The following ACSM3 variants were observed in gnomAD, a reference collection of about 807,000 sequenced individuals.
ACSM3 encodes acyl-coenzyme A synthetase ACSM3, mitochondrial.
In ACSM3, 61 loss-of-function variants were observed where a neutral mutation model predicts 74.1. The ratio of observed to expected loss-of-function variants is 0.82; its 90% CI spans 0.67 to 1.02. The LOEUF (loss-of-function observed/expected upper bound fraction) is 1.02. ACSM3 is among the 50% of genes least tolerant of loss of function. The probability of loss-of-function intolerance (pLI) is 0.00; values close to 1 mark genes in which losing one functional copy is unlikely to be tolerated. For synonymous variants in ACSM3, 213 were observed against 241.5 expected, an observed-to-expected ratio of 0.88 and a Z score of 1.09; for missense variants, 660 against 697.0, an observed-to-expected ratio of 0.95 and a Z score of 0.60.
chr16:20,784,615 C>T (rs2080428826), intron 7 of ACSM3: 1 of 160,724 alleles, frequency 6.2e-6, no homozygotes, highest in Non-Finnish European at 1.3e-5. Context: ...TCCATGAAAA[C>T]ATAAAAATAA....
chr16:20,719,506 A>G, intron 1 of ACSM3: 1 of 166,212 alleles, frequency 6.0e-6, no homozygotes, highest in South Asian at 1.6e-4. Context: ...TTTCTTTATA[A>G]GAAGCAAAGT....
chr16:20,688,950 AAT>A (rs1391802945), intron 1 of ACSM3, among the ~76,000 whole-genome samples: 9 of 149,002 alleles, frequency 6.0e-5, no homozygotes, highest in South Asian at 2.1e-4. Context: ...AATAATTATA[AAT>A]ATATGTTAAC....
rs976657437 is a variant in ACSM3 at position 20,739,317 on chromosome 16, A to C, written c.-189-10593A>C. The stretch of plus-strand genomic sequence containing the variant: ...CAGCCTCCCAAGTAGCTGTGATTAC[A>C]GGCGCATGCCACTACACACAGCTAA... On this transcript the variant is annotated intron_variant, in intron 1 of 3. Transcript: ENST00000561584. 4.6e-5 allele frequency among the ~76,000 whole-genome samples: 7 copies of C among 151,962 alleles called. No individual in the cohort carries two copies. The East Asian group carries it at 1.4e-3, about 30-fold the overall frequency.
chr16:20,709,373 A>G (rs2079736407), intron 1 of ACSM3, among the ~76,000 whole-genome samples: 2 of 152,392 alleles, frequency 1.3e-5, no homozygotes, highest in Middle Eastern at 3.4e-3. Context: ...ATGTAAAACA[A>G]GCAGGTTAGA....
chr16:20,747,525 G>C (rs529288091), intron 1 of ACSM3, among the ~76,000 whole-genome samples: 9 of 152,176 alleles, frequency 5.9e-5, no homozygotes, highest in Admixed American at 2.6e-4. Flanking sequence ...GTGTTAATCC[G>C]CTGGGCTGGT....
At chr16:20,727,216 T>A in intron 1 of ACSM3, 1 of 370,456 alleles carries the variant, frequency 2.7e-6, no homozygotes, top group Non-Finnish European at 5.2e-6. Flanking sequence ...CAAGTTTTTG[T>A]TGAATGAACT....
chr16:20,776,867 C>A (rs979288339), intron 3 of ACSM3, among the ~76,000 whole-genome samples: 2 of 152,190 alleles, frequency 1.3e-5, no homozygotes, highest in African/African-American at 4.8e-5. Context: ...GGAAATAAAT[C>A]ATAAAGCAAT....
chr16:20,697,795 C>G (rs1325962082), intron 1 of ACSM3: 2 of 152,322 alleles, frequency 1.3e-5, no homozygotes, highest in Non-Finnish European at 2.9e-5. Context: ...GGACCTTGAA[C>G]AGAGAACTTG....
At chr16:20,682,773 A>G (rs2079473637) in intron 1 of ACSM3, among the ~76,000 whole-genome samples, 1 of 152,224 alleles carries the variant, frequency 6.6e-6, no homozygotes, top group African/African-American at 2.4e-5. Context: ...ACACATTTAC[A>G]CAGGATCTGG....
At chr16:20,744,789 A>T (rs1285993570) in intron 1 of ACSM3, among the ~76,000 whole-genome samples, 2 of 152,188 alleles carry the variant, frequency 1.3e-5, no homozygotes, top group African/African-American at 4.8e-5. Context: ...TCCATAAATC[A>T]TCTCTGACCA....
chr16:20,738,837 T>C (rs779620821), intron 1 of ACSM3: 74 of 1,577,038 alleles, frequency 4.7e-5, no homozygotes, highest in Non-Finnish European at 6.1e-5. Context: ...CAGTATTCCC[T>C]GAGACAGGAA....
chr16:20,796,262 A>T (rs1251297895), intron 12 of ACSM3, 108 bp from the exon 13 acceptor site: 3 of 1,491,794 alleles, frequency 2.0e-6, no homozygotes, highest in Non-Finnish European at 2.7e-6. Flanking sequence ...ATTAAAACAC[A>T]CTGGCCCACC....
chr16:20,782,159 T>C (rs1254864425), intron 7 of ACSM3, among the ~76,000 whole-genome samples: 2 of 152,220 alleles, frequency 1.3e-5, no homozygotes, highest in African/African-American at 4.8e-5. Context: ...TTTATTCTAT[T>C]GCTGATTCCA....
rs1037267717 is a variant in ACSM3 at position 20,780,733 on chromosome 16, A to C, written c.658A>C (p.Thr220Pro). The C allele has an allele frequency of 1.9e-6, 3 of 1,614,064 alleles. No homozygotes were observed. The highest frequency in any genetic ancestry group is 2.5e-6 in the Non-Finnish European group (3 of 1,180,036). The change falls in exon 5 of 14, where the codon ACC (threonine) becomes CCC (proline). Residue 220 changes from threonine to proline, a missense_variant. Coordinates refer to ENST00000289416, the MANE Select transcript of ACSM3 (RefSeq NM_005622.4). ...TTGCAGACATGCCAGTGACAGCCACACCTGTGTGAAGACAAAACACAATGA... is the reference window on the plus strand; with the variant it reads ...TTGCAGACATGCCAGTGACAGCCACCCCTGTGTGAAGACAAAACACAATGA... Reference protein sequence around the residue: ...ELMKHASDSHTCVKTKHNEIM... With the variant: ...ELMKHASDSHPCVKTKHNEIM...
intron 1 of ACSM3, among the ~76,000 whole-genome samples, chr16:20,742,328 G>A (rs968883212): frequency 2.0e-5 from 3 of 152,112 alleles, no homozygotes; most frequent in African/African-American, 4.8e-5. Context: ...AAGGGCCCTC[G>A]TGACTGGGCC....
At chr16:20,709,352 C>CACTCAATT (rs1390543275) in intron 1 of ACSM3, among the ~76,000 whole-genome samples, 1 of 152,030 alleles carries the variant, frequency 6.6e-6, no homozygotes, top group Non-Finnish European at 1.5e-5. Flanking sequence ...TAACATAAAA[C>CACTCAATT]ACTCAATTAA....
intron 1 of ACSM3, chr16:20,739,197 A>C: frequency 2.1e-6 from 2 of 953,466 alleles, no homozygotes; most frequent in Non-Finnish European, 1.5e-6. Context: ...TTTTCTAAAG[A>C]TGGAGTCTCG....
intron 1 of ACSM3, chr16:20,738,761 A>G: frequency 1.0e-6 from 1 of 990,218 alleles, no homozygotes; most frequent in Non-Finnish European, 1.5e-6. Context: ...GCCAACTGCT[A>G]ATACAGTGTA....
At chr16:20,727,607 A>T (rs2079811421) in intron 1 of ACSM3, 1 of 228,888 alleles carries the variant, frequency 4.4e-6, no homozygotes, top group South Asian at 5.3e-5. Context: ...GCCAGTAGTT[A>T]CCAAAACTTG....
Sources: allele counts gnomAD v4.1 joint callset (sites outside exome capture counted in the v4.1 genomes callset), GRCh38; gene constraint gnomAD v4.1.1; transcripts MANE v1.5; gene names NCBI Gene and HGNC (gene_info 2026-07-23, HGNC 2026-07-21).